MCF2L: variants seen among roughly 807,000 people sequenced by gnomAD.
MCF2L encodes MCF.2 cell line derived transforming sequence like, also known as guanine nucleotide exchange factor DBS.
A neutral mutation model predicts 153.4 loss-of-function variants in MCF2L; 97 were observed. The observed-to-expected ratio is 0.63, with a 90% CI of 0.54 to 0.75. The LOEUF is 0.75. MCF2L is among the 30% of genes least tolerant of loss of function. The pLI, the probability that MCF2L is intolerant of heterozygous loss-of-function variation, is 0.00. For missense variants in MCF2L, 1,347 were observed against 1,495.2 expected (o/e 0.90, Z 1.64); for synonymous variants, 659 against 632.2 (o/e 1.04, Z -0.64).
At chr13:112,909,300 G>A (rs1462719926) in intron 2 of MCF2L, 1 of 779,746 alleles carries the variant, frequency 1.3e-6, no homozygotes, top group Non-Finnish European at 2.4e-6. Context: ...GCCAGTCTCG[G>A]GAGGCACTCG....
At chr13:112,944,877 C>T (rs1223624746) in intron 2 of MCF2L, among the ~76,000 whole-genome samples, 1 of 152,180 alleles carries the variant, frequency 6.6e-6, no homozygotes, top group African/African-American at 2.4e-5. Context: ...CAGAAGGGAG[C>T]AAGGTCTGCC....
chr13:112,962,565 G>A (rs1013125095), intron 2 of MCF2L, among the ~76,000 whole-genome samples: 7 of 152,208 alleles, frequency 4.6e-5, no homozygotes, highest in African/African-American at 1.7e-4. Context: ...ACACCTGACA[G>A]CATGGACAGA....
At chr13:112,918,593 G>A (rs552155649) in intron 2 of MCF2L, among the ~76,000 whole-genome samples, 9 of 152,186 alleles carry the variant, frequency 5.9e-5, no homozygotes, top group Non-Finnish European at 1.2e-4. Context: ...AGGGGCGTGG[G>A]GTGGCTCCAA....
At chr13:112,968,117 TC>T (rs1256017119), upstream of MCF2L, 1,927 of 201,792 alleles carry the variant, frequency 9.5e-3, no homozygotes, top group South Asian at 0.023. Context: ...TCTCTCTCTC[TC>T]TTTTAACTGA....
At chr13:113,015,119 C>T (rs1175621953) in intron 2 of MCF2L, among the ~76,000 whole-genome samples, 1 of 152,220 alleles carries the variant, frequency 6.6e-6, no homozygotes, top group Non-Finnish European at 1.5e-5. Context: ...CTGACAGCAG[C>T]CTCCAGGGAC....
chr13:113,045,791 C>T lies in MCF2L; in HGVS notation c.369+430C>T, dbSNP rs2086773984. 1 of 228,280 alleles carries T rather than the reference C, an allele frequency of 4.4e-6. No individual in the cohort carries two copies. Among genetic ancestry groups the T allele is most frequent in the Admixed American group, 4.9e-5 (1 of 20,554 alleles). The allele number at this position is 228,280 out of a possible 1,614,324, so 14.1% of individuals were successfully genotyped here. ...CCCAGTGGGATTGAACATGCACTTCCTCTTACACAAAGCACAACAGTCCTG... is the reference window on the plus strand; with the variant it reads ...CCCAGTGGGATTGAACATGCACTTCTTCTTACACAAAGCACAACAGTCCTG... On this transcript the variant is annotated intron_variant, in intron 4 of 29. Transcript: ENST00000535094. This position sits in a 1 kb window ranked among gnomAD's most constrained non-coding sequence, Gnocchi z 4.2.
intron 2 of MCF2L, among the ~76,000 whole-genome samples, chr13:112,950,440 A>G (rs975557237): frequency 1.3e-5 from 2 of 152,244 alleles, no homozygotes; most frequent in African/African-American, 4.8e-5. Flanking sequence ...TCAGTCTTGA[A>G]AAAGAAGAAT....
Position 113,035,921 on chromosome 13 carries a change from G to A in MCF2L, c.279-9350G>A, listed in dbSNP as rs1209767465. Among the ~76,000 whole-genome samples the A allele has an allele frequency of 6.6e-6, 1 of 152,146 alleles. No homozygotes were observed. The highest frequency in any genetic ancestry group is 2.4e-5 in the African/African-American group (1 of 41,428). ...ACAGGCGATGGGGCCTTCCTCTCTG[G>A]TACAGCAGGGGCCTAAGGGATGTTT... On this transcript the variant is annotated intron_variant, in intron 3 of 29. Transcript: ENST00000535094. The surrounding 1 kb of genome is among the most constrained non-coding windows in gnomAD (Gnocchi z 4.4).
In MCF2L at chr13:113,094,527, G is replaced by A. The variant is rs373771218; in HGVS notation, c.2967G>A (p.Thr989=). Residue 989 remains threonine (T), a synonymous_variant, in exon 27 of 30, where the codon ACG becomes ACA. Coordinates refer to ENST00000535094, the MANE Select transcript of MCF2L (RefSeq NM_001112732.3). The part of the protein sequence containing the change: ...PPEKGKGWSK[T]SHSLEAPEDD... ...TGTCTCTCTTAGGTTGGAGCAAAAC[G>A]TCCCACTCACTGGAGGCACCTGAGG... The A allele has an allele frequency of 4.6e-5, 74 of 1,611,752 alleles. No homozygotes were observed. The highest frequency in any genetic ancestry group is 6.0e-5 in the Non-Finnish European group (71 of 1,179,396).
rs190797854 is a variant in MCF2L, at chr13:112,901,085, C to T, written c.-4-1114C>T. ...AGGCCCAGGCAGCAGCAGAACTGGGCGACAGGATGCAGTGTGAACAGTGGC... is the reference window on the plus strand; with the variant it reads ...AGGCCCAGGCAGCAGCAGAACTGGGTGACAGGATGCAGTGTGAACAGTGGC... On this transcript the variant is annotated intron_variant, in intron 1 of 29. Coordinates refer to the MCF2L transcript ENST00000375608. Among the ~76,000 whole-genome samples, 162 of 152,326 alleles carry T rather than the reference C, an allele frequency of 1.1e-3. 3 individuals are homozygous for T. The East Asian group carries it at 0.025, about 24-fold the overall frequency.
intron 2 of MCF2L, among the ~76,000 whole-genome samples, chr13:112,926,752 C>T (rs773414691): frequency 2.0e-5 from 3 of 152,026 alleles, no homozygotes; most frequent in East Asian, 1.9e-4. Context: ...CATGTGTACT[C>T]GCAGAAAGGG....
chr13:112,962,699 CG>C (rs912772026), intron 2 of MCF2L, among the ~76,000 whole-genome samples: 7 of 152,196 alleles, frequency 4.6e-5, no homozygotes, highest in African/African-American at 1.7e-4. Context: ...GCCGTTCTCC[CG>C]GGACCTCCCC....
At chr13:112,908,309 G>T (rs1255037129) in intron 2 of MCF2L, among the ~76,000 whole-genome samples, 1 of 152,176 alleles carries the variant, frequency 6.6e-6, no homozygotes. Flanking sequence ...TCTCCCAAGC[G>T]CCCTCTGATT....
At chr13:112,980,031 C>T (rs1047755468) in intron 1 of MCF2L, among the ~76,000 whole-genome samples, 15 of 152,198 alleles carry the variant, frequency 9.9e-5, no homozygotes, top group East Asian at 5.8e-4. Context: ...ATTGGAAAGA[C>T]GAGTGGACTC....
intron 3 of MCF2L, among the ~76,000 whole-genome samples, chr13:113,038,572 T>A (rs1030986027): frequency 2.0e-5 from 3 of 152,188 alleles, no homozygotes; most frequent in Non-Finnish European, 2.9e-5. Flanking sequence ...TAATTCTCTC[T>A]AAATAAACAT....
Position 113,001,883 on chromosome 13 carries a change from C to T in MCF2L, c.80-12880C>T, listed in dbSNP as rs752636373. On this transcript the variant is annotated intron_variant, in intron 1 of 29. Transcript: ENST00000535094. ...GGGAAGGGCGTTCCGGGAGCCGGGT[C>T]GGGGGCTCCTGACTCGCACTGGGCA... 31 of 1,575,048 alleles carry T rather than the reference C, an allele frequency of 2.0e-5. No homozygotes were observed. In the East Asian group the frequency reaches 3.7e-4, roughly 19 times the overall value.
chr13:112,996,878 C>A (rs968234621), intron 1 of MCF2L, among the ~76,000 whole-genome samples: 10 of 152,238 alleles, frequency 6.6e-5, no homozygotes, highest in Non-Finnish European at 1.2e-4. Context: ...GCCTAGGATC[C>A]TCAGCTGCTT....
intron 25 of MCF2L, among the ~76,000 whole-genome samples, chr13:113,089,389 CCGGG>C: frequency 8.6e-6 from 1 of 116,918 alleles, no homozygotes; most frequent in Admixed American, 8.5e-5. Flanking sequence ...TCCAGCCCGT[CCGGG>C]TTTAACTTAG....
At chr13:112,906,389 C>A (rs1336086527) in intron 2 of MCF2L, among the ~76,000 whole-genome samples, 1 of 152,214 alleles carries the variant, frequency 6.6e-6, no homozygotes, top group Non-Finnish European at 1.5e-5. Flanking sequence ...GAAGGCGTGG[C>A]CAGCATCAGC....
Sources: gnomAD v4.1 joint callset for allele counts (sites outside exome capture counted in the v4.1 genomes callset) on GRCh38, gnomAD v4.1.1 for gene constraint, Gnocchi (gnomAD v3.1) non-coding constraint, MANE v1.5 for transcripts, NCBI Gene and HGNC (gene_info 2026-07-23, HGNC 2026-07-21) for gene names.